Variants in GRID2 observed in about 807,000 individuals in gnomAD.
GRID2 encodes glutamate receptor ionotropic, delta-2.
A neutral mutation model predicts 114.8 loss-of-function variants in GRID2; 33 were observed. That is an observed-to-expected ratio of 0.29 (90% CI 0.22 to 0.38). The LOEUF (loss-of-function observed/expected upper bound fraction) is 0.38, where lower values mean the gene tolerates loss of function less well. Among genes scored for constraint, GRID2 ranks in the 10% least tolerant of loss-of-function variants. The pLI is 1.00. For synonymous variants in GRID2, 505 were observed against 449.9 expected, an observed-to-expected ratio of 1.12 and a Z score of -1.55; for missense variants, 1,184 against 1,257.7, an observed-to-expected ratio of 0.94 and a Z score of 0.89.
chr4:92,707,362 T>A (rs1024378568), intron 2 of GRID2, among the ~76,000 whole-genome samples: 1 of 152,084 alleles, frequency 6.6e-6, no homozygotes, highest in South Asian at 2.1e-4. Context: ...GATAGCAAAA[T>A]TTTGACATAA....
intron 2 of GRID2, among the ~76,000 whole-genome samples, chr4:93,033,341 C>T (rs561112346): frequency 6.9e-4 from 105 of 152,174 alleles, no homozygotes; most frequent in Non-Finnish European, 1.4e-3. Context: ...TAAAAACCAC[C>T]GCAGGAAGAA....
intron 2 of GRID2, among the ~76,000 whole-genome samples, chr4:92,692,867 A>G (rs1010655880): frequency 2.0e-4 from 30 of 152,080 alleles, no homozygotes; most frequent in African/African-American, 6.8e-4. Context: ...TACTAAAAAT[A>G]CAAAAATTAG....
chr4:93,457,547 T>C (rs534561908), intron 11 of GRID2, among the ~76,000 whole-genome samples: 40 of 152,226 alleles, frequency 2.6e-4, no homozygotes, highest in Middle Eastern at 6.8e-3. Flanking sequence ...ATGTGGAGAA[T>C]AGATTGAAAA....
At chr4:93,570,299 C>T (rs1735820720) in intron 13 of GRID2, among the ~76,000 whole-genome samples, 1 of 152,116 alleles carries the variant, frequency 6.6e-6, no homozygotes, top group Non-Finnish European at 1.5e-5. Context: ...TGATCAAATT[C>T]AGCCTCATTC....
At chr4:93,052,320 T>G (rs1287013237) in intron 2 of GRID2, among the ~76,000 whole-genome samples, 2 of 151,960 alleles carry the variant, frequency 1.3e-5, no homozygotes. Context: ...TACGCAACTT[T>G]AATTGATAGG....
At chr4:92,476,025 T>TC (rs1722295582) in intron 1 of GRID2, among the ~76,000 whole-genome samples, 1 of 144,730 alleles carries the variant, frequency 6.9e-6, no homozygotes. Context: ...CAGTGCTTCT[T>TC]TTTTTTTTTT....
intron 14 of GRID2, among the ~76,000 whole-genome samples, chr4:93,629,319 T>C (rs761057367): frequency 6.6e-6 from 1 of 152,138 alleles, no homozygotes; most frequent in African/African-American, 2.4e-5. Context: ...GTGGAGTTTC[T>C]TGGTAACGAC....
At chr4:92,746,736 CT>C (rs1177708492) in intron 2 of GRID2, among the ~76,000 whole-genome samples, 9 of 152,042 alleles carry the variant, frequency 5.9e-5, no homozygotes, top group Non-Finnish European at 7.4e-5. Context: ...CACTAACTTG[CT>C]GTGTCACTTT....
chr4:92,921,973 C>T (rs1177748048), intron 2 of GRID2, among the ~76,000 whole-genome samples: 5 of 152,318 alleles, frequency 3.3e-5, no homozygotes, highest in Admixed American at 2.6e-4. Flanking sequence ...GGCCGGCCTC[C>T]TTGAGCTTTG....
intron 8 of GRID2, among the ~76,000 whole-genome samples, chr4:93,248,620 G>A (rs1277260387): frequency 6.6e-6 from 1 of 152,048 alleles, no homozygotes; most frequent in Non-Finnish European, 1.5e-5. Flanking sequence ...GCCTCAAGGG[G>A]ATTACACATT....
chr4:93,689,210 A>C (rs1029037247), intron 14 of GRID2, among the ~76,000 whole-genome samples: 4 of 152,008 alleles, frequency 2.6e-5, no homozygotes, highest in African/African-American at 9.7e-5. Flanking sequence ...CAAAACTGTA[A>C]GAAAGTTAAT....
intron 1 of GRID2, among the ~76,000 whole-genome samples, chr4:92,545,761 G>A (rs976715314): frequency 1.3e-5 from 2 of 152,020 alleles, no homozygotes; most frequent in South Asian, 2.1e-4. Context: ...ACTTGGCTGC[G>A]ACACTCATTT....
chr4:93,471,311 A>G (rs1159631765), intron 11 of GRID2, among the ~76,000 whole-genome samples: 1 of 152,198 alleles, frequency 6.6e-6, no homozygotes, highest in Non-Finnish European at 1.5e-5. Flanking sequence ...GAAACCCATT[A>G]TCTTTCAACT....
intron 8 of GRID2, among the ~76,000 whole-genome samples, chr4:93,387,862 C>T (rs1181324704): frequency 1.3e-5 from 2 of 149,026 alleles, no homozygotes; most frequent in African/African-American, 2.5e-5. Flanking sequence ...AAATGATGTA[C>T]AATCACTTTA....
At chr4:92,890,602 G>C (rs908205334) in intron 2 of GRID2, among the ~76,000 whole-genome samples, 1 of 152,116 alleles carries the variant, frequency 6.6e-6, no homozygotes, top group African/African-American at 2.4e-5. Flanking sequence ...TCATTCAAAA[G>C]TCAGGAAACA....
chr4:92,996,585 G>A (rs766588850), intron 2 of GRID2, among the ~76,000 whole-genome samples: 1 of 152,132 alleles, frequency 6.6e-6, no homozygotes, highest in Non-Finnish European at 1.5e-5. Context: ...GGAGATTGAT[G>A]TGCTGAAAAT....
At chr4:92,573,319 C>T (rs1410317863) in intron 1 of GRID2, among the ~76,000 whole-genome samples, 4 of 151,944 alleles carry the variant, frequency 2.6e-5, no homozygotes, top group African/African-American at 9.7e-5. Flanking sequence ...TCCTTCAGTT[C>T]TGCTCTGATC....
intron 2 of GRID2, among the ~76,000 whole-genome samples, chr4:92,709,691 G>T (rs1192369143): frequency 6.6e-6 from 1 of 150,766 alleles, no homozygotes; most frequent in Non-Finnish European, 1.5e-5. Context: ...TATGGAAATT[G>T]TATTAAGTCT....
intron 2 of GRID2, among the ~76,000 whole-genome samples, chr4:93,007,468 T>A (rs1016211985): frequency 6.6e-6 from 1 of 152,160 alleles, no homozygotes; most frequent in Non-Finnish European, 1.5e-5. Context: ...AAAGCCTTTT[T>A]TAAAAAATGC....
Sources: allele counts gnomAD v4.1 joint callset (sites outside exome capture counted in the v4.1 genomes callset), GRCh38; gene constraint gnomAD v4.1.1; transcripts MANE v1.5; gene names NCBI Gene and HGNC (gene_info 2026-07-23, HGNC 2026-07-21).